Variants in TBL1XR1 observed in about 807,000 individuals in gnomAD.
TBL1XR1 encodes the protein TBL1X/Y related 1.
In TBL1XR1, 5 loss-of-function variants were observed where a neutral mutation model predicts 66.9. That is an observed-to-expected ratio of 0.07 (90% CI 0.04 to 0.16). The LOEUF is 0.16. Ranked by LOEUF, TBL1XR1 falls within the 10% of genes least tolerant of loss-of-function variation. TBL1XR1 has a pLI of 1.00. For synonymous variants in TBL1XR1, 210 were observed against 206.0 expected, an observed-to-expected ratio of 1.02 and a Z score of -0.17; for missense variants, 238 against 623.2, an observed-to-expected ratio of 0.38 and a Z score of 6.58.
At position 177,170,989 on chromosome 3, in the gene TBL1XR1, C is replaced by A. The variant is rs1039960341; in HGVS notation, c.-122+26132G>T. On this transcript the variant is annotated intron_variant, in intron 1 of 15. Coordinates refer to ENST00000457928, the MANE Select transcript of TBL1XR1 (RefSeq NM_024665.7). The stretch of plus-strand genomic sequence containing the variant: ...TTTTTGAAGCCCACTGAGTGAATAA[C>A]TGTGGTTCAAAAGCCTTAAGAAAAA... 2.0e-5 allele frequency among the ~76,000 whole-genome samples: 3 copies of A among 152,114 alleles called. No individual in the cohort carries two copies. The East Asian group carries it at 5.8e-4, about 29-fold the overall frequency.
At chr3:177,033,944 C>A (rs1714386989) in intron 13 of TBL1XR1, among the ~76,000 whole-genome samples, 1 of 151,928 alleles carries the variant, frequency 6.6e-6, no homozygotes, top group South Asian at 2.1e-4. Context: ...GGGGAGAAGG[C>A]TGAGAAGAGA....
intron 2 of TBL1XR1, among the ~76,000 whole-genome samples, chr3:177,068,449 T>C (rs1481210962): frequency 2.6e-5 from 4 of 152,220 alleles, no homozygotes; most frequent in Non-Finnish European, 4.4e-5. Context: ...ATATTGTAAA[T>C]GTTCACCATG....
chr3:177,177,864 G>A (rs1402013252), intron 1 of TBL1XR1, among the ~76,000 whole-genome samples: 3 of 151,970 alleles, frequency 2.0e-5, no homozygotes, highest in South Asian at 2.1e-4. Flanking sequence ...TTTAAATTCT[G>A]GAGGGACGTT....
At chr3:177,147,400 G>A (rs1369445439) in intron 1 of TBL1XR1, among the ~76,000 whole-genome samples, 1 of 152,118 alleles carries the variant, frequency 6.6e-6, no homozygotes, top group Non-Finnish European at 1.5e-5. Flanking sequence ...GCAGAACATA[G>A]TTTGAAGAAA....
intron 2 of TBL1XR1, among the ~76,000 whole-genome samples, chr3:177,087,665 T>C (rs768689393): frequency 4.0e-5 from 6 of 151,630 alleles, no homozygotes; most frequent in Non-Finnish European, 7.4e-5. Flanking sequence ...ACACTAACTT[T>C]AGCATGTTAA....
intron 2 of TBL1XR1, among the ~76,000 whole-genome samples, chr3:177,081,231 G>A (rs1453332433): frequency 1.3e-5 from 2 of 152,180 alleles, no homozygotes; most frequent in Non-Finnish European, 2.9e-5. Context: ...TAAGATGGAT[G>A]TAATATCAAT....
intron 1 of TBL1XR1, among the ~76,000 whole-genome samples, chr3:177,121,740 A>T (rs1353753197): frequency 6.6e-6 from 1 of 152,136 alleles, no homozygotes; most frequent in Non-Finnish European, 1.5e-5. Flanking sequence ...AATCCCATCG[A>T]GGCTGTTCCT....
upstream of TBL1XR1, among the ~76,000 whole-genome samples, chr3:177,197,841 G>GGGCCGCCCGCCCCGCCCCCA (rs1160845176): frequency 5.7e-4 from 85 of 147,872 alleles, no homozygotes; most frequent in African/African-American, 1.9e-3. Context: ...TCGGGGCCCC[G>GGGCCGCCCGCCCCGCCCCCA]GGCCGCCCGC....
chr3:177,070,691 T>A (rs1264519257), intron 2 of TBL1XR1, among the ~76,000 whole-genome samples: 1 of 151,854 alleles, frequency 6.6e-6, no homozygotes, highest in Non-Finnish European at 1.5e-5. Flanking sequence ...TCTACTAAAA[T>A]ACAAAAATTA....
chr3:177,067,403 AC>A lies in TBL1XR1; in HGVS notation c.-45-2382del, dbSNP rs557715631. On this transcript the variant is annotated intron_variant, in intron 2 of 15. Transcript: ENST00000457928. Reference sequence around the variant, plus strand: ...TCCAAAACTTGGATGAAAGTATCCAACCTGCAAAGGTTTTTCACAATGCTCA... The same window carrying A: ...TCCAAAACTTGGATGAAAGTATCCAACTGCAAAGGTTTTTCACAATGCTCA... 4.1e-3 allele frequency among the ~76,000 whole-genome samples: 626 copies of A among 152,304 alleles called. 1 individual carries two copies. Among genetic ancestry groups the A allele is most frequent in the Non-Finnish European group, 4.8e-3 (325 of 68,032 alleles).
At chr3:177,180,241 A>G (rs1304831557) in intron 1 of TBL1XR1, among the ~76,000 whole-genome samples, 1 of 150,188 alleles carries the variant, frequency 6.7e-6, no homozygotes, top group African/African-American at 2.4e-5. Context: ...GTCTCAAAAA[A>G]AAAAAAAAAA....
intron 7 of TBL1XR1, 84 bp downstream of exon 7, chr3:177,049,913 A>AT: frequency 1.3e-6 from 2 of 1,482,868 alleles, no homozygotes; most frequent in Non-Finnish European, 1.8e-6. Flanking sequence ...TTCTGAACAA[A>AT]TAGACAAACC....
At chr3:177,129,177 T>A (rs1357175444) in intron 1 of TBL1XR1, among the ~76,000 whole-genome samples, 1 of 152,188 alleles carries the variant, frequency 6.6e-6, no homozygotes, top group East Asian at 1.9e-4. Flanking sequence ...TATACTTTTT[T>A]TAAAAATCCT....
chr3:177,121,429 C>T (rs980582572), intron 1 of TBL1XR1, among the ~76,000 whole-genome samples: 5 of 151,938 alleles, frequency 3.3e-5, no homozygotes, highest in African/African-American at 1.2e-4. Flanking sequence ...CTTTTTCTTC[C>T]CTTCCATAGC....
At chr3:177,171,178 T>C (rs189735639) in intron 1 of TBL1XR1, among the ~76,000 whole-genome samples, 1 of 151,456 alleles carries the variant, frequency 6.6e-6, no homozygotes, top group Non-Finnish European at 1.5e-5. Flanking sequence ...CCATCTCTAC[T>C]CAAAATACTA....
At chr3:177,085,209 A>G (rs1334436077) in intron 2 of TBL1XR1, among the ~76,000 whole-genome samples, 1 of 152,254 alleles carries the variant, frequency 6.6e-6, no homozygotes, top group Non-Finnish European at 1.5e-5. Context: ...CATGTGGAAC[A>G]TACCCAAAGA....
At chr3:177,155,723 A>G (rs953268214) in intron 1 of TBL1XR1, among the ~76,000 whole-genome samples, 17 of 152,244 alleles carry the variant, frequency 1.1e-4, no homozygotes, top group Non-Finnish European at 1.8e-4. Flanking sequence ...CACAAAAATT[A>G]TATCAGTTTT....
intron 1 of TBL1XR1, among the ~76,000 whole-genome samples, chr3:177,137,472 C>T (rs1729134873): frequency 6.6e-6 from 1 of 152,082 alleles, no homozygotes; most frequent in Admixed American, 6.5e-5. Flanking sequence ...CACTGGGTAA[C>T]AGAACTCGAG....
At chr3:177,059,841 C>T (rs889874636) in intron 3 of TBL1XR1, among the ~76,000 whole-genome samples, 19 of 152,150 alleles carry the variant, frequency 1.2e-4, no homozygotes, top group Admixed American at 8.5e-4. Flanking sequence ...GGGTGGGAAC[C>T]GCCTAATCAG....
Sources: gnomAD v4.1 joint callset for allele counts (sites outside exome capture counted in the v4.1 genomes callset) on GRCh38, gnomAD v4.1.1 for gene constraint, MANE v1.5 for transcripts, NCBI Gene and HGNC (gene_info 2026-07-23, HGNC 2026-07-21) for gene names.